NPAS3: variants seen among roughly 807,000 people sequenced by gnomAD.
NPAS3 encodes the protein neuronal PAS domain protein 3.
In NPAS3, 14 loss-of-function variants were observed where a neutral mutation model predicts 73.1. The observed-to-expected ratio is 0.19, with a 90% CI of 0.13 to 0.30. NPAS3 has a LOEUF of 0.30. Ranked by LOEUF, NPAS3 falls within the 10% of genes least tolerant of loss-of-function variation. NPAS3 has a pLI of 1.00. For synonymous variants in NPAS3, 620 were observed against 541.5 expected (o/e 1.14, Z -2.01); for missense variants, 1,096 against 1,250.0 (o/e 0.88, Z 1.86).
intron 1 of NPAS3, among the ~76,000 whole-genome samples, chr14:32,973,059 G>A (rs920590829): frequency 2.6e-5 from 4 of 152,186 alleles, no homozygotes; most frequent in African/African-American, 9.7e-5. Flanking sequence ...TGCATTGACT[G>A]TTAGGGTGGG....
At chr14:33,531,957 G>A (rs192025737) in intron 4 of NPAS3, among the ~76,000 whole-genome samples, 86 of 152,204 alleles carry the variant, frequency 5.7e-4, no homozygotes, top group African/African-American at 7.9e-4. Flanking sequence ...CCATTTGTGC[G>A]TCCTTTTGAA....
intron 4 of NPAS3, among the ~76,000 whole-genome samples, chr14:33,531,871 G>C (rs781320078): frequency 3.3e-4 from 50 of 152,108 alleles, no homozygotes; most frequent in Non-Finnish European, 6.6e-4. Context: ...CATTCTGATA[G>C]GTGTGTGCTG....
Position 33,800,927 on chromosome 14 carries a change from C to A in NPAS3, c.2620C>A (p.His874Asn). ...CAAGACGCCCATGGAGATGCTCTAC[C>A]ACCACGTGCACCGGCTCAACATGTC... The change falls in exon 12 of 12, where the codon CAC becomes AAC. Residue 874 changes from histidine to asparagine, a missense_variant. By Grantham distance (68) the His-to-Asn change is moderately conservative (BLOSUM62 1). This residue lies in a region of NPAS3 where 698 missense variants were observed against 676.7 expected (regional missense o/e 1.03). Transcript: ENST00000356141. The surrounding 1 kb of genome is among the most constrained non-coding windows in gnomAD (Gnocchi z 6.5). The A allele has an allele frequency of 6.2e-7, 1 of 1,607,840 alleles. No homozygotes were observed. The highest frequency in any genetic ancestry group is 1.1e-5 in the South Asian group (1 of 89,756).
chr14:33,657,603 C>T (rs1469895994), intron 5 of NPAS3, among the ~76,000 whole-genome samples: 1 of 152,090 alleles, frequency 6.6e-6, no homozygotes, highest in African/African-American at 2.4e-5. Context: ...TGTGAGATTG[C>T]TTTAATAAAG....
At chr14:33,435,985 C>T (rs1477468621) in intron 4 of NPAS3, among the ~76,000 whole-genome samples, 1 of 152,176 alleles carries the variant, frequency 6.6e-6, no homozygotes. Context: ...TGAGAAACTG[C>T]TGGTGCCCTA....
intron 3 of NPAS3, among the ~76,000 whole-genome samples, chr14:33,222,590 G>C (rs995018089): frequency 6.6e-6 from 1 of 152,088 alleles, no homozygotes; most frequent in Admixed American, 6.5e-5. Flanking sequence ...ATAGCAATTT[G>C]TTTCTTTACA....
At chr14:33,676,156 A>AAATGGAGAAGCCTATAT in intron 5 of NPAS3, 55 bp from the exon 6 acceptor site, 1 of 1,564,146 alleles carries the variant, frequency 6.4e-7, no homozygotes, top group Admixed American at 1.8e-5. Flanking sequence ...TTGAATTTGA[A>AAATGGAGAAGCCTATAT]AATGGAGAAG....
intron 4 of NPAS3, among the ~76,000 whole-genome samples, chr14:33,379,704 T>C (rs956616968): frequency 1.3e-5 from 2 of 152,076 alleles, no homozygotes; most frequent in Non-Finnish European, 2.9e-5. Flanking sequence ...AATGGGTGGG[T>C]GGGTGATAAT....
At chr14:33,738,088 C>T (rs1217781044) in intron 7 of NPAS3, among the ~76,000 whole-genome samples, 1 of 152,172 alleles carries the variant, frequency 6.6e-6, no homozygotes, top group Non-Finnish European at 1.5e-5. Context: ...GCCACTGTGC[C>T]ACATGCTTCA....
At position 33,511,816 on chromosome 14, in the gene NPAS3, A is replaced by G. The variant is rs117958651; in HGVS notation, c.469-48305A>G. Among the ~76,000 whole-genome samples, 380 of 152,192 alleles carry G rather than the reference A, an allele frequency of 2.5e-3. 1 individual carries two copies. Among genetic ancestry groups the G allele is most frequent in the Non-Finnish European group, 4.3e-3 (295 of 67,970 alleles). On this transcript the variant is annotated intron_variant, in intron 4 of 11. Coordinates refer to ENST00000356141, the Ensembl canonical transcript of NPAS3. ...TTTTTTCCATGGGACATTTACTATG[A>G]TAGCAGGTATTTTTGGTTTTGTAGC...
intron 7 of NPAS3, among the ~76,000 whole-genome samples, chr14:33,735,862 A>G (rs1394088521): frequency 6.6e-6 from 1 of 152,162 alleles, no homozygotes; most frequent in Non-Finnish European, 1.5e-5. Context: ...CTTAGCATTC[A>G]TAGAATACTC....
intron 2 of NPAS3, among the ~76,000 whole-genome samples, chr14:33,200,328 G>A (rs1019054798): frequency 6.6e-6 from 1 of 152,012 alleles, no homozygotes; most frequent in Non-Finnish European, 1.5e-5. Flanking sequence ...GTTTAACTTT[G>A]ATAGTTTATA....
intron 4 of NPAS3, among the ~76,000 whole-genome samples, chr14:33,491,819 A>G (rs1218094757): frequency 6.6e-6 from 1 of 152,172 alleles, no homozygotes; most frequent in Non-Finnish European, 1.5e-5. Flanking sequence ...TTTGCATATT[A>G]TCATATATGG....
intron 1 of NPAS3, among the ~76,000 whole-genome samples, chr14:32,981,271 G>A (rs2037885455): frequency 6.6e-6 from 1 of 152,132 alleles, no homozygotes; most frequent in Non-Finnish European, 1.5e-5. Context: ...CCATTCACAT[G>A]CCTAGCACAA....
At chr14:32,936,840 T>G (rs1443781294), upstream of NPAS3, among the ~76,000 whole-genome samples, 1 of 152,052 alleles carries the variant, frequency 6.6e-6, no homozygotes, top group Non-Finnish European at 1.5e-5. Context: ...ACCTCAGCAC[T>G]GAGAGCTGCA....
At chr14:33,218,573 T>G (rs181980974) in intron 3 of NPAS3, among the ~76,000 whole-genome samples, 1 of 152,206 alleles carries the variant, frequency 6.6e-6, no homozygotes, top group Non-Finnish European at 1.5e-5. Context: ...TGAAGTGCAG[T>G]TCATAATCCA....
chr14:33,440,690 C>T (rs554550853), intron 4 of NPAS3, among the ~76,000 whole-genome samples: 1 of 152,218 alleles, frequency 6.6e-6, no homozygotes, highest in South Asian at 2.1e-4. Context: ...GTCAGGAGTT[C>T]AAGACCAGCC....
chr14:33,627,338 C>G (rs2058250041), intron 5 of NPAS3, among the ~76,000 whole-genome samples: 1 of 152,102 alleles, frequency 6.6e-6, no homozygotes, highest in Middle Eastern at 3.2e-3. Flanking sequence ...ACAGTTCAAG[C>G]TTTGACCTTT....
intron 5 of NPAS3, among the ~76,000 whole-genome samples, chr14:33,671,400 G>A (rs1029510625): frequency 2.0e-5 from 3 of 152,112 alleles, no homozygotes; most frequent in African/African-American, 7.2e-5. Flanking sequence ...GGAAACTTCA[G>A]AGTTACCAAA....
Sources: gnomAD v4.1 joint callset for allele counts (sites outside exome capture counted in the v4.1 genomes callset) on GRCh38, gnomAD v4.1.1 for gene constraint, gnomAD v4.1.1 regional missense constraint, Gnocchi (gnomAD v3.1) non-coding constraint, MANE v1.5 for transcripts, NCBI Gene and HGNC (gene_info 2026-07-23, HGNC 2026-07-21) for gene names.